The following ZRANB3 variants were observed in gnomAD, a reference collection of about 807,000 sequenced individuals.
ZRANB3 encodes zinc finger RANBP2-type containing 3, also known as DNA annealing helicase and endonuclease ZRANB3.
In ZRANB3, 125 loss-of-function variants were observed where a neutral mutation model predicts 133.8. The observed-to-expected ratio is 0.93, with a 90% confidence interval of 0.81 to 1.08. The LOEUF is 1.08. ZRANB3 is among the 50% of genes least tolerant of loss of function. The pLI, the probability that ZRANB3 is intolerant of heterozygous loss-of-function variation, is 0.00. For synonymous variants in ZRANB3, 387 were observed against 432.7 expected, an observed-to-expected ratio of 0.89 and a Z score of 1.31; for missense variants, 1,229 against 1,275.5, an observed-to-expected ratio of 0.96 and a Z score of 0.56.
chr2:135,263,904 T>C (rs1192973763), intron 12 of ZRANB3, among the ~76,000 whole-genome samples: 4 of 151,624 alleles, frequency 2.6e-5, no homozygotes, highest in South Asian at 4.2e-4. Context: ...GCCTCCCAAG[T>C]AGCTGGGATT....
intron 3 of ZRANB3, 121 bp downstream of exon 3, chr2:135,390,681 C>G: frequency 7.5e-7 from 1 of 1,337,114 alleles, no homozygotes; most frequent in Non-Finnish European, 1.0e-6. Context: ...ATCTTTCTCT[C>G]TCTCCCCATC....
chr2:135,273,788 C>T (rs533499138), intron 9 of ZRANB3, among the ~76,000 whole-genome samples: 18 of 152,252 alleles, frequency 1.2e-4, no homozygotes, highest in South Asian at 2.1e-4. Flanking sequence ...CTGCCCGCCT[C>T]GGCCTCCCAA....
intron 12 of ZRANB3, among the ~76,000 whole-genome samples, chr2:135,261,662 G>T (rs1679971609): frequency 6.6e-6 from 1 of 151,982 alleles, no homozygotes; most frequent in Non-Finnish European, 1.5e-5. Context: ...ATAAACTTTT[G>T]AAAACAATAA....
In ZRANB3 at chr2:135,208,919, C is replaced by A. The variant is rs779725032; in HGVS notation, c.2555G>T (p.Gly852Val). 5.6e-6 allele frequency: 9 copies of A among 1,613,936 alleles called. No homozygotes were observed. The highest frequency in any genetic ancestry group is 7.6e-6 in the Non-Finnish European group (9 of 1,179,878). Residue 852 changes from glycine (G) to valine (V), a missense_variant, in exon 18 of 21, where the codon GGC becomes GTC. By Grantham distance (109) the Gly-to-Val change is moderately radical (BLOSUM62 -3). Coordinates refer to ENST00000264159, the MANE Select transcript of ZRANB3 (RefSeq NM_032143.4). ...CTCCTTTGTGATCAGACGGACATGG[C>A]CCCCAACATTCTTCACTTTGTCCAT... is the stretch of plus-strand genomic sequence containing the variant. ...ASMDKVKNVG[G>V]HVRLITKESR...
rs568209704 is a variant in ZRANB3 at position 135,447,874 on chromosome 2, G to A, written c.161+56455C>T. 2.0e-5 allele frequency among the ~76,000 whole-genome samples: 3 copies of A among 152,264 alleles called. No homozygotes were observed. In the South Asian group the frequency reaches 6.2e-4, roughly 32 times the overall value. On this transcript the variant is annotated intron_variant, in intron 2 of 20. Coordinates refer to ENST00000264159, the MANE Select transcript of ZRANB3 (RefSeq NM_032143.4). ...ATTTTGAGAGGGAAACAAGGGAAAT[G>A]ACAGTGGTTACTTATTCTACCATTT...
intron 17 of ZRANB3, among the ~76,000 whole-genome samples, chr2:135,213,200 A>G (rs1694173121): frequency 6.6e-6 from 1 of 152,142 alleles, no homozygotes; most frequent in Non-Finnish European, 1.5e-5. Flanking sequence ...GCTGCTGTCA[A>G]TCTGAAAGCT....
intron 2 of ZRANB3, among the ~76,000 whole-genome samples, chr2:135,405,565 T>C (rs1687973943): frequency 6.6e-6 from 1 of 152,188 alleles, no homozygotes; most frequent in Middle Eastern, 3.2e-3. Context: ...ACCACATAGT[T>C]GGAAGTAAAG....
At chr2:135,445,481 A>G (rs950406967) in intron 2 of ZRANB3, among the ~76,000 whole-genome samples, 1 of 152,076 alleles carries the variant, frequency 6.6e-6, no homozygotes, top group African/African-American at 2.4e-5. Context: ...GTGTGCTTTT[A>G]TGGTAATAAG....
intron 2 of ZRANB3, among the ~76,000 whole-genome samples, chr2:135,470,012 CAAA>C (rs776949989): frequency 1.0e-4 from 9 of 86,478 alleles, no homozygotes; most frequent in East Asian, 3.5e-4. Flanking sequence ...ACTCTTACCT[CAAA>C]AAAAAAAAAA....
intron 6 of ZRANB3, 81 bp downstream of exon 6, chr2:135,345,468 CA>C (rs113439308): frequency 0.05 from 37,763 of 749,648 alleles, 3 homozygotes; most frequent in South Asian, 0.076. Context: ...GACTCTGTCT[CA>C]AAAAAAAAAA....
intron 8 of ZRANB3, among the ~76,000 whole-genome samples, chr2:135,277,735 G>A (rs535398049): frequency 6.6e-6 from 1 of 152,184 alleles, no homozygotes; most frequent in South Asian, 2.1e-4. Context: ...GAACAGCCTG[G>A]CCAACACGGT....
intron 3 of ZRANB3, among the ~76,000 whole-genome samples, chr2:135,372,181 A>G (rs894587015): frequency 1.3e-5 from 2 of 151,634 alleles, no homozygotes; most frequent in Non-Finnish European, 2.9e-5. Flanking sequence ...AAAAAAAAAA[A>G]AGAGACACAG....
chr2:135,526,787 C>T (rs1031787217), intron 1 of ZRANB3, among the ~76,000 whole-genome samples: 5 of 152,054 alleles, frequency 3.3e-5, no homozygotes, highest in African/African-American at 4.8e-5. Flanking sequence ...CTTTTAAGTC[C>T]GATAAAAAAC....
intron 2 of ZRANB3, among the ~76,000 whole-genome samples, chr2:135,474,783 G>C (rs1691430249): frequency 6.6e-6 from 1 of 152,178 alleles, no homozygotes; most frequent in African/African-American, 2.4e-5. Context: ...AATACCTATA[G>C]TTCGGTTTAA....
At chr2:135,232,249 C>T (rs927480442) in intron 12 of ZRANB3, among the ~76,000 whole-genome samples, 8 of 152,178 alleles carry the variant, frequency 5.3e-5, no homozygotes, top group South Asian at 2.1e-4. Context: ...GGGGGAGGGG[C>T]GCCTGCCATT....
At chr2:135,400,329 A>G (rs1053066934) in intron 2 of ZRANB3, among the ~76,000 whole-genome samples, 3 of 151,904 alleles carry the variant, frequency 2.0e-5, no homozygotes, top group Non-Finnish European at 4.4e-5. Context: ...TGATAAATCC[A>G]TATTTTGTTT....
chr2:135,207,894 T>A, intron 18 of ZRANB3, 58 bp from the exon 19 acceptor site: 1 of 1,484,784 alleles, frequency 6.7e-7, no homozygotes. Flanking sequence ...TAAATAGTAA[T>A]TGCTTCATAT....
At chr2:135,376,764 T>C (rs1300802898) in intron 3 of ZRANB3, among the ~76,000 whole-genome samples, 1 of 152,138 alleles carries the variant, frequency 6.6e-6, no homozygotes, top group Non-Finnish European at 1.5e-5. Flanking sequence ...TAATGATGAA[T>C]ACAAGACATT....
chr2:135,278,736 T>A (rs901514451), intron 8 of ZRANB3, among the ~76,000 whole-genome samples: 1 of 152,120 alleles, frequency 6.6e-6, no homozygotes. Flanking sequence ...TAATTATTAA[T>A]GCCAAAGAAA....
Sources: allele counts gnomAD v4.1 joint callset (sites outside exome capture counted in the v4.1 genomes callset), GRCh38; gene constraint gnomAD v4.1.1; transcripts MANE v1.5; gene names NCBI Gene and HGNC (gene_info 2026-07-23, HGNC 2026-07-21).